TRAPPC3L: variants seen among roughly 807,000 people sequenced by gnomAD.
TRAPPC3L encodes the protein trafficking protein particle complex subunit 3-like protein.
A neutral mutation model predicts 23.7 loss-of-function variants in TRAPPC3L; 23 were observed. The observed-to-expected ratio is 0.97, with a 90% CI of 0.70 to 1.37. The LOEUF is 1.37. Among genes scored for constraint, TRAPPC3L ranks in the 40% most tolerant of loss-of-function variants. The probability of loss-of-function intolerance (pLI) is 0.00; values close to 1 mark genes in which losing one functional copy is unlikely to be tolerated. For synonymous variants in TRAPPC3L, 81 were observed against 77.9 expected (o/e 1.04, Z -0.21); for missense variants, 212 against 216.8 (o/e 0.98, Z 0.14).
chr6:116,504,162 C>G (rs1377799418), intron 3 of TRAPPC3L, among the ~76,000 whole-genome samples: 1 of 152,012 alleles, frequency 6.6e-6, no homozygotes, highest in Non-Finnish European at 1.5e-5. Flanking sequence ...AAGACAGAAT[C>G]ATCAAGTAGA....
chr6:116,506,053 A>G (rs1478630423), intron 3 of TRAPPC3L, among the ~76,000 whole-genome samples: 1 of 152,238 alleles, frequency 6.6e-6, no homozygotes, highest in Admixed American at 6.5e-5. Flanking sequence ...CTAACACAGC[A>G]AAAGCAACTA....
intron 3 of TRAPPC3L, among the ~76,000 whole-genome samples, chr6:116,515,047 T>A (rs1772196298): frequency 6.6e-6 from 1 of 152,232 alleles, no homozygotes; most frequent in Admixed American, 6.5e-5. Flanking sequence ...CAAATCATTT[T>A]CAAGGTTTTA....
intron 3 of TRAPPC3L, among the ~76,000 whole-genome samples, chr6:116,509,677 A>C (rs1772072431): frequency 6.6e-6 from 1 of 152,178 alleles, no homozygotes. Flanking sequence ...AAATAAACTC[A>C]AGATGGATCA....
At chr6:116,506,803 G>A (rs917625999) in intron 3 of TRAPPC3L, among the ~76,000 whole-genome samples, 1 of 152,164 alleles carries the variant, frequency 6.6e-6, no homozygotes, top group Non-Finnish European at 1.5e-5. Flanking sequence ...TCCTAAGTGG[G>A]AGTTGAACAA....
intron 4 of TRAPPC3L, among the ~76,000 whole-genome samples, chr6:116,497,298 G>A (rs1771846887): frequency 6.6e-6 from 1 of 152,182 alleles, no homozygotes; most frequent in South Asian, 2.1e-4. Context: ...AGGCCAACTA[G>A]GATGACTGGG....
chr6:116,515,717 C>A (rs766424445), intron 3 of TRAPPC3L: 1 of 1,613,968 alleles, frequency 6.2e-7, no homozygotes, highest in Non-Finnish European at 8.5e-7. Flanking sequence ...GACATATGCA[C>A]AAAAGGAGAA....
chr6:116,539,799 A>G (rs1773324211), intron 3 of TRAPPC3L, among the ~76,000 whole-genome samples: 1 of 152,220 alleles, frequency 6.6e-6, no homozygotes, highest in South Asian at 2.1e-4. Context: ...CCATAGGCCA[A>G]GATTTTTAAA....
chr6:116,520,485 A>G (rs1772312335), intron 3 of TRAPPC3L: 1 of 152,096 alleles, frequency 6.6e-6, no homozygotes, highest in South Asian at 2.1e-4. Flanking sequence ...AAAAGCTAAG[A>G]GGTTGGCATG....
chr6:116,533,245 G>A (rs1387507426), intron 3 of TRAPPC3L, among the ~76,000 whole-genome samples: 4 of 152,190 alleles, frequency 2.6e-5, no homozygotes, highest in African/African-American at 4.8e-5. Flanking sequence ...TTGAGAAAGC[G>A]AACATAGATT....
chr6:116,545,561 C>T lies in TRAPPC3L; in HGVS notation c.-47G>A, dbSNP rs751785937. ...ATGATCTTCAATTTCTCTTCTTTTG[C>T]CTGTTTCTTAGAGGTGTATCAGTCC... On this transcript the variant is annotated 5_prime_UTR_variant, in exon 1 of 5. Transcript: ENST00000368602. 1.3e-6 allele frequency: 2 copies of T among 1,520,880 alleles called. No individual in the cohort carries two copies. The highest frequency in any genetic ancestry group is 1.7e-4 in the Middle Eastern group (1 of 5,928). The allele number at this position is 1,520,880 out of a possible 1,614,324, so 94.2% of individuals were successfully genotyped here.
chr6:116,506,989 T>C (rs1001489328), intron 3 of TRAPPC3L, among the ~76,000 whole-genome samples: 2 of 152,192 alleles, frequency 1.3e-5, no homozygotes, highest in African/African-American at 4.8e-5. Flanking sequence ...TGTGCACATG[T>C]ACCCTAGAAC....
At chr6:116,506,595 C>T (rs1455920019) in intron 3 of TRAPPC3L, among the ~76,000 whole-genome samples, 1 of 152,138 alleles carries the variant, frequency 6.6e-6, no homozygotes, top group East Asian at 1.9e-4. Context: ...TTCACAATAG[C>T]AAAGACTTGG....
rs73553436 is a variant in TRAPPC3L, at chr6:116,501,030, C to T, written c.241-364G>A. Among the ~76,000 whole-genome samples the T allele has an allele frequency of 9.8e-3, 1,488 of 152,306 alleles. 27 individuals are homozygous for T. Among genetic ancestry groups the T allele is most frequent in the African/African-American group, 0.034 (1,402 of 41,550 alleles). ...CCATGGAGAGTGAGCCGAAGCAGGG[C>T]AGGGCATCGCCTCATGTGGGAAGTG... On this transcript the variant is annotated intron_variant, in intron 3 of 4. Transcript: ENST00000368602.
In TRAPPC3L at chr6:116,500,592, C is replaced by G. The variant is rs1471849210; in HGVS notation, c.315G>C (p.Leu105=). The change falls in exon 4 of 5, where the codon CTG becomes CTC. Residue 105 remains leucine, a synonymous_variant. Transcript: ENST00000368602. ...CCACCAGGGGATTCTTCTCTAGAAT[C>G]AGGGAAAATTCATTTTTGCTTGAAT... The part of the protein sequence containing the change: ...CNNSSKNEFS[L]ILEKNPLVEF... 1.9e-6 allele frequency: 3 copies of G among 1,551,530 alleles called. No homozygotes were observed. The Admixed American group carries it at 5.9e-5, about 30-fold the overall frequency.
chr6:116,538,221 TAGAC>T (rs1246952483), intron 3 of TRAPPC3L, among the ~76,000 whole-genome samples: 1 of 152,198 alleles, frequency 6.6e-6, no homozygotes, highest in Non-Finnish European at 1.5e-5. Context: ...GCGCTAATAA[TAGAC>T]AGTAAGAAAA....
chr6:116,545,181 G>T (rs1679081292), intron 1 of TRAPPC3L, among the ~76,000 whole-genome samples: 2 of 151,048 alleles, frequency 1.3e-5, no homozygotes, highest in Admixed American at 1.3e-4. Context: ...GTATGAAATA[G>T]AAAAAATTGC....
chr6:116,527,003 A>G (rs1315871017), intron 3 of TRAPPC3L, among the ~76,000 whole-genome samples: 2 of 152,192 alleles, frequency 1.3e-5, no homozygotes, highest in South Asian at 2.1e-4. Flanking sequence ...AGGCAGGAGA[A>G]GAAATTCCCA....
chr6:116,542,742 T>A (rs536889826), intron 2 of TRAPPC3L, among the ~76,000 whole-genome samples: 2 of 152,224 alleles, frequency 1.3e-5, no homozygotes, highest in South Asian at 4.1e-4. Context: ...CTACCTAATA[T>A]GTTTTTTAAG....
intron 3 of TRAPPC3L, among the ~76,000 whole-genome samples, chr6:116,507,908 G>C (rs1046666456): frequency 6.6e-6 from 1 of 152,178 alleles, no homozygotes; most frequent in African/African-American, 2.4e-5. Flanking sequence ...AAGTAAACTG[G>C]TGTTCAGAGA....
Sources: gnomAD v4.1 joint callset for allele counts (sites outside exome capture counted in the v4.1 genomes callset) on GRCh38, gnomAD v4.1.1 for gene constraint, MANE v1.5 for transcripts, NCBI Gene and HGNC (gene_info 2026-07-23, HGNC 2026-07-21) for gene names.